The following KIAA1328 variants were observed in gnomAD, a reference collection of about 807,000 sequenced individuals.
KIAA1328 encodes protein hinderin.
In KIAA1328, 52 loss-of-function variants were observed where a neutral mutation model predicts 68.1. The observed-to-expected ratio is 0.76, with a 90% CI of 0.61 to 0.96. KIAA1328 has a LOEUF of 0.96. KIAA1328 is among the 40% of genes least tolerant of loss of function. KIAA1328 has a pLI of 0.00. For missense variants in KIAA1328, 641 were observed against 677.6 expected (o/e 0.95, Z 0.60); for synonymous variants, 232 against 239.4 (o/e 0.97, Z 0.28).
Position 37,225,068 on chromosome 18 carries a change from C to G in KIAA1328, c.*2841C>G, listed in dbSNP as rs2060622839. The G allele has an allele frequency of 1.0e-6, 1 of 985,334 alleles. No homozygotes were observed. Among genetic ancestry groups the G allele is most frequent in the Non-Finnish European group, 1.2e-6 (1 of 829,956 alleles). 61.0% of individuals were successfully genotyped at this position (985,334 alleles called of 1,614,324 possible). A position where few individuals can be genotyped will look rare whatever the true frequency, so the allele number is the denominator to read the frequency against. On this transcript the variant is annotated 3_prime_UTR_variant, in exon 10 of 10. Coordinates refer to ENST00000280020, the MANE Select transcript of KIAA1328 (RefSeq NM_020776.3). ...CAAATGTCATGGGGAGAGAGGGACT[C>G]TTTCTGCTCCCTCAGAGCTACTCTT... is the stretch of plus-strand genomic sequence containing the variant.
At chr18:36,919,154 T>C (rs540587366) in intron 5 of KIAA1328, among the ~76,000 whole-genome samples, 110 of 152,328 alleles carry the variant, frequency 7.2e-4, no homozygotes, top group African/African-American at 2.4e-3. Context: ...ATATGATCTA[T>C]TTTATCATCA....
At chr18:36,972,344 T>C (rs2052258635) in intron 6 of KIAA1328, among the ~76,000 whole-genome samples, 1 of 152,196 alleles carries the variant, frequency 6.6e-6, no homozygotes, top group Admixed American at 6.5e-5. Flanking sequence ...CCAGTTTTTT[T>C]CTTCTTTAGG....
chr18:37,163,261 G>A (rs2154212001), intron 8 of KIAA1328, among the ~76,000 whole-genome samples: 2 of 152,304 alleles, frequency 1.3e-5, no homozygotes, highest in Admixed American at 1.3e-4. Flanking sequence ...AGGCTGTGAA[G>A]CCACTGAGTG....
intron 6 of KIAA1328, among the ~76,000 whole-genome samples, chr18:37,050,351 A>G (rs1463295562): frequency 6.6e-6 from 1 of 152,122 alleles, no homozygotes; most frequent in East Asian, 1.9e-4. Flanking sequence ...TTTTTATTTT[A>G]TACCTCTGAA....
At chr18:36,976,363 T>A (rs1465066194) in intron 6 of KIAA1328, among the ~76,000 whole-genome samples, 2 of 152,024 alleles carry the variant, frequency 1.3e-5, no homozygotes, top group African/African-American at 4.8e-5. Context: ...TCAGAAAAAA[T>A]TGGTGATATA....
chr18:36,870,974 G>T (rs893881244), intron 4 of KIAA1328, among the ~76,000 whole-genome samples: 1 of 152,138 alleles, frequency 6.6e-6, no homozygotes, highest in African/African-American at 2.4e-5. Flanking sequence ...AGCTGAAATC[G>T]TCTTACCCAT....
In KIAA1328 at chr18:37,160,284, G is replaced by T; in HGVS notation, c.1317G>T (p.Glu439Asp). Reference sequence around the variant, plus strand: ...ACCAAGACCCCCCAAACAGTGGAGAGAATAGGAAGGAGAGGAAGACAGTTG... The same window carrying T: ...ACCAAGACCCCCCAAACAGTGGAGATAATAGGAAGGAGAGGAAGACAGTTG... ...KKHQDPPNSGENRKERKTVGF... is the reference protein window; with the variant it reads ...KKHQDPPNSGDNRKERKTVGF... The change falls in exon 8 of 10, where the codon GAG (glutamate) becomes GAT (aspartate). Residue 439 changes from glutamate to aspartate, a missense_variant. Glu to Asp is a conservative substitution (Grantham distance 45). Coordinates refer to ENST00000280020, the MANE Select transcript of KIAA1328 (RefSeq NM_020776.3). 1 of 1,613,736 alleles carries T rather than the reference G, an allele frequency of 6.2e-7. No homozygotes were observed. Among genetic ancestry groups the T allele is most frequent in the Non-Finnish European group, 8.5e-7 (1 of 1,179,752 alleles).
intron 7 of KIAA1328, among the ~76,000 whole-genome samples, chr18:37,139,204 C>A (rs931883371): frequency 1.3e-5 from 2 of 152,050 alleles, no homozygotes; most frequent in Non-Finnish European, 2.9e-5. Flanking sequence ...ACCTCGTGAT[C>A]TGCCCGCCTC....
At chr18:36,911,818 C>T (rs2049463244) in intron 5 of KIAA1328, among the ~76,000 whole-genome samples, 1 of 152,116 alleles carries the variant, frequency 6.6e-6, no homozygotes, top group Admixed American at 6.6e-5. Flanking sequence ...AGATTATATG[C>T]TGTAACAAAT....
chr18:36,971,995 G>A (rs779976531), intron 6 of KIAA1328, among the ~76,000 whole-genome samples: 5 of 152,124 alleles, frequency 3.3e-5, no homozygotes, highest in African/African-American at 9.7e-5. Flanking sequence ...CATATGTACA[G>A]TGAACCTAAA....
In KIAA1328 at chr18:37,153,071, T is replaced by C. The variant is rs562295042; in HGVS notation, c.1233-7129T>C. ...AGAGCCCATCTGCAAAATAAAAAAT[T>C]AGGGTGGGGCAGCCACCTTCTTCAT... On this transcript the variant is annotated intron_variant, in intron 7 of 9. Transcript: ENST00000280020. 4.6e-5 allele frequency among the ~76,000 whole-genome samples: 7 copies of C among 152,200 alleles called. No homozygotes were observed. In the South Asian group the frequency reaches 1.5e-3, roughly 32 times the overall value.
intron 7 of KIAA1328, among the ~76,000 whole-genome samples, chr18:37,114,933 T>G (rs1294312663): frequency 6.6e-6 from 1 of 152,130 alleles, no homozygotes; most frequent in Admixed American, 6.5e-5. Flanking sequence ...GATAAATTGC[T>G]CAACACATAC....
At chr18:36,919,168 A>T (rs2049825565) in intron 5 of KIAA1328, among the ~76,000 whole-genome samples, 1 of 152,146 alleles carries the variant, frequency 6.6e-6, no homozygotes, top group Non-Finnish European at 1.5e-5. Context: ...ATCATCATGA[A>T]ATTTTCCTCC....
At chr18:37,135,154 G>A (rs1056891705) in intron 7 of KIAA1328, among the ~76,000 whole-genome samples, 1 of 152,104 alleles carries the variant, frequency 6.6e-6, no homozygotes, top group Admixed American at 6.6e-5. Context: ...TAGTGTTGCA[G>A]TGAGCCTGTG....
chr18:37,116,659 A>C (rs2058117344), intron 7 of KIAA1328, among the ~76,000 whole-genome samples: 1 of 152,220 alleles, frequency 6.6e-6, no homozygotes, highest in Admixed American at 6.5e-5. Context: ...AAATTGACAA[A>C]TGGGATCTAA....
At chr18:37,176,525 G>A (rs1363421078) in intron 9 of KIAA1328, among the ~76,000 whole-genome samples, 2 of 152,156 alleles carry the variant, frequency 1.3e-5, no homozygotes, top group Non-Finnish European at 2.9e-5. Flanking sequence ...CCCCTAAGCT[G>A]CGTAAGAGAA....
intron 7 of KIAA1328, among the ~76,000 whole-genome samples, chr18:37,150,787 C>T (rs2059011769): frequency 6.6e-6 from 1 of 152,004 alleles, no homozygotes; most frequent in African/African-American, 2.4e-5. Flanking sequence ...AAGCATTTGA[C>T]ATAACTCATC....
intron 7 of KIAA1328, among the ~76,000 whole-genome samples, chr18:37,152,117 A>G (rs11081990): frequency 6.7e-6 from 1 of 149,150 alleles, no homozygotes; most frequent in Non-Finnish European, 1.5e-5. Context: ...AAAAAAAAAA[A>G]CAGATTAGCA....
intron 7 of KIAA1328, among the ~76,000 whole-genome samples, chr18:37,151,901 T>G (rs1444254208): frequency 6.6e-6 from 1 of 151,814 alleles, no homozygotes; most frequent in Non-Finnish European, 1.5e-5. Context: ...TGCACTGGTG[T>G]TGTGTGTTGG....
Sources: gnomAD v4.1 joint callset for allele counts (sites outside exome capture counted in the v4.1 genomes callset) on GRCh38, gnomAD v4.1.1 for gene constraint, MANE v1.5 for transcripts, NCBI Gene and HGNC (gene_info 2026-07-23, HGNC 2026-07-21) for gene names.